Variants in ACKR3 observed in about 807,000 individuals in gnomAD.
ACKR3 encodes C-X-C chemokine receptor type 7.
In ACKR3, 6 loss-of-function variants were observed where a neutral mutation model predicts 22.4. The ratio of observed to expected loss-of-function variants is 0.27; its 90% CI spans 0.15 to 0.53. The LOEUF is 0.53. Among genes scored for constraint, ACKR3 ranks in the 20% least tolerant of loss-of-function variants. The pLI is 0.96. For missense variants in ACKR3, 396 were observed against 475.2 expected (o/e 0.83, Z 1.55); for synonymous variants, 209 against 205.2 (o/e 1.02, Z -0.16).
the ACKR3 span, among the ~76,000 whole-genome samples, chr2:236,543,264 G>A: frequency 6.6e-6 from 1 of 152,140 alleles, no homozygotes; most frequent in Non-Finnish European, 1.5e-5. Context: ...GTGGATCAGT[G>A]GCAGGCACCC....
the ACKR3 span, among the ~76,000 whole-genome samples, chr2:236,537,434 C>G: frequency 1.3e-5 from 2 of 152,116 alleles, no homozygotes; most frequent in African/African-American, 4.8e-5. Flanking sequence ...TCTCGAATGG[C>G]CTGTAAATGT....
chr2:236,580,203 A>T (rs949377544), intron 1 of ACKR3, among the ~76,000 whole-genome samples: 10 of 152,248 alleles, frequency 6.6e-5, no homozygotes, highest in Admixed American at 6.5e-4. Flanking sequence ...GAGAAAGCAA[A>T]CACAGTTTCT....
chr2:236,570,832 C>CT (rs1691292606), intron 1 of ACKR3, among the ~76,000 whole-genome samples: 2 of 145,198 alleles, frequency 1.4e-5, no homozygotes, highest in Non-Finnish European at 3.0e-5. Flanking sequence ...GGCTGTCTCT[C>CT]TTTCTCTCTT....
the ACKR3 span, among the ~76,000 whole-genome samples, chr2:236,559,276 T>G: frequency 6.6e-6 from 1 of 152,236 alleles, no homozygotes; most frequent in African/African-American, 2.4e-5. Context: ...AAGCTGAGAA[T>G]GAAAAATTTC....
At chr2:236,548,159 G>A in the ACKR3 span, among the ~76,000 whole-genome samples, 1 of 152,024 alleles carries the variant, frequency 6.6e-6, no homozygotes, top group South Asian at 2.1e-4. This position sits in a 1 kb window ranked among gnomAD's most constrained non-coding sequence, Gnocchi z 4.3. Flanking sequence ...TTACAGGTTT[G>A]ATCCTGCTGT....
At chr2:236,538,126 A>G in the ACKR3 span, among the ~76,000 whole-genome samples, 1 of 152,108 alleles carries the variant, frequency 6.6e-6, no homozygotes, top group African/African-American at 2.4e-5. Context: ...TACATAAGCC[A>G]GATCCTTTCC....
the ACKR3 span, among the ~76,000 whole-genome samples, chr2:236,547,040 T>A: frequency 9.9e-5 from 15 of 152,086 alleles, no homozygotes; most frequent in Admixed American, 9.8e-4. Flanking sequence ...AGTCAGAGAG[T>A]TGGAGGTTGG....
chr2:236,574,078 G>A lies in ACKR3; in HGVS notation c.-27+4154G>A, dbSNP rs1195854647. On this transcript the variant is annotated intron_variant, in intron 1 of 1. Coordinates refer to ENST00000272928, the MANE Select transcript of ACKR3 (RefSeq NM_020311.3). This position sits in a 1 kb window ranked among gnomAD's most constrained non-coding sequence, Gnocchi z 5.6. ...CTCATGCCTGGGGGGTGATGGGCCT[G>A]CGTGCCTTCCCAATTAGCCGGCGGG... is the stretch of plus-strand genomic sequence containing the variant. Among the ~76,000 whole-genome samples the A allele has an allele frequency of 2.6e-5, 4 of 151,904 alleles. No individual in the cohort carries two copies. Among genetic ancestry groups the A allele is most frequent in the Non-Finnish European group, 5.9e-5 (4 of 67,994 alleles).
the ACKR3 span, among the ~76,000 whole-genome samples, chr2:236,544,500 C>G: frequency 2.3e-3 from 350 of 152,286 alleles, no homozygotes; most frequent in Non-Finnish European, 3.5e-3. The surrounding 1 kb of genome is among the most constrained non-coding windows in gnomAD (Gnocchi z 5.0). Flanking sequence ...GAGACCAGTG[C>G]CAGGGCTGGG....
At chr2:236,550,133 A>C in the ACKR3 span, among the ~76,000 whole-genome samples, 324 of 152,306 alleles carry the variant, frequency 2.1e-3, no homozygotes, top group Non-Finnish European at 3.8e-3. The surrounding 1 kb of genome is among the most constrained non-coding windows in gnomAD (Gnocchi z 4.6). Flanking sequence ...GTGGGTGCAT[A>C]GTCTGTTTCC....
chr2:236,543,217 C>T, the ACKR3 span, among the ~76,000 whole-genome samples: 47 of 152,266 alleles, frequency 3.1e-4, no homozygotes, highest in African/African-American at 1.1e-3. Context: ...GAAGGAGACC[C>T]ACTTGCCTCT....
At chr2:236,545,534 C>T in the ACKR3 span, among the ~76,000 whole-genome samples, 5 of 152,270 alleles carry the variant, frequency 3.3e-5, no homozygotes, top group East Asian at 7.7e-4. This position sits in a 1 kb window ranked among gnomAD's most constrained non-coding sequence, Gnocchi z 5.3. Flanking sequence ...AATGTTTAGA[C>T]GATGATGTTC....
At chr2:236,578,297 A>G (rs1691454774) in intron 1 of ACKR3, among the ~76,000 whole-genome samples, 1 of 152,176 alleles carries the variant, frequency 6.6e-6, no homozygotes, top group Non-Finnish European at 1.5e-5. Flanking sequence ...GTCTTAGGAC[A>G]AGTGTGCCAA....
chr2:236,546,886 A>C, the ACKR3 span, among the ~76,000 whole-genome samples: 1 of 152,236 alleles, frequency 6.6e-6, no homozygotes, highest in South Asian at 2.1e-4. This position sits in a 1 kb window ranked among gnomAD's most constrained non-coding sequence, Gnocchi z 4.9. Context: ...GCTTCTCTCT[A>C]AGAGCTGCCT....
Position 236,580,455 on chromosome 2 carries a change from G to T in ACKR3, c.-11G>T. 1 of 1,594,936 alleles carries T rather than the reference G, an allele frequency of 6.3e-7. No homozygotes were observed. The highest frequency in any genetic ancestry group is 1.1e-5 in the South Asian group (1 of 90,212). ...TTTCTCATAGGTCATTTGATTGCCC[G>T]CCTCAGAACGATGGATCTGCATCTC... On this transcript the variant is annotated 5_prime_UTR_variant, in exon 2 of 2. Transcript: ENST00000272928.
At chr2:236,541,151 G>A in the ACKR3 span, among the ~76,000 whole-genome samples, 2 of 152,238 alleles carry the variant, frequency 1.3e-5, no homozygotes, top group East Asian at 1.9e-4. Flanking sequence ...CTTCCTCTCT[G>A]CAATAATCGT....
intron 1 of ACKR3, among the ~76,000 whole-genome samples, chr2:236,578,084 G>T (rs1270637792): frequency 6.6e-6 from 1 of 152,248 alleles, no homozygotes. Flanking sequence ...TGTGGGGAGA[G>T]CAAAGGTGAA....
intron 1 of ACKR3, among the ~76,000 whole-genome samples, chr2:236,578,654 G>A (rs2106507535): frequency 6.6e-6 from 1 of 152,362 alleles, no homozygotes; most frequent in East Asian, 1.9e-4. Flanking sequence ...CGCTAAGTGG[G>A]GTTCACGCCA....
chr2:236,550,750 C>A, the ACKR3 span, among the ~76,000 whole-genome samples: 2 of 152,230 alleles, frequency 1.3e-5, no homozygotes, highest in East Asian at 3.9e-4. The surrounding 1 kb of genome is among the most constrained non-coding windows in gnomAD (Gnocchi z 4.6). Flanking sequence ...GGGCTGTCAC[C>A]AGGGTTCAAA....
Sources: gnomAD v4.1 joint callset for allele counts (sites outside exome capture counted in the v4.1 genomes callset) on GRCh38, gnomAD v4.1.1 for gene constraint, Gnocchi (gnomAD v3.1) non-coding constraint, MANE v1.5 for transcripts, NCBI Gene and HGNC (gene_info 2026-07-23, HGNC 2026-07-21) for gene names.